The following FLVCR2 variants were observed in gnomAD, a reference collection of about 807,000 sequenced individuals.
FLVCR2 encodes the protein choline/ethanolamine transporter FLVCR2.
In FLVCR2, 38 loss-of-function variants were observed where a neutral mutation model predicts 48.9. The ratio of observed to expected loss-of-function variants is 0.78; its 90% CI spans 0.60 to 1.02. The LOEUF is 1.02. Ranked by LOEUF, FLVCR2 falls within the 50% of genes least tolerant of loss-of-function variation. FLVCR2 has a pLI of 0.00. For synonymous variants in FLVCR2, 255 were observed against 257.0 expected (o/e 0.99, Z 0.07); for missense variants, 664 against 663.3 (o/e 1.00, Z -0.01).
chr14:75,598,122 G>T (rs535967442), intron 1 of FLVCR2, among the ~76,000 whole-genome samples: 1 of 152,020 alleles, frequency 6.6e-6, no homozygotes, highest in Admixed American at 6.6e-5. Flanking sequence ...TGGGATTACA[G>T]GTGTGAGCCA....
intron 1 of FLVCR2, among the ~76,000 whole-genome samples, chr14:75,621,457 GGTGT>G (rs1215284696): frequency 2.6e-5 from 4 of 151,522 alleles, no homozygotes; most frequent in Non-Finnish European, 5.9e-5. Flanking sequence ...ATTTGTTGGG[GGTGT>G]GTGTGTGTTT....
intron 1 of FLVCR2, among the ~76,000 whole-genome samples, chr14:75,602,921 G>A (rs1474632808): frequency 6.6e-6 from 1 of 152,208 alleles, no homozygotes; most frequent in Non-Finnish European, 1.5e-5. Context: ...TTCCCCTGCT[G>A]CCCTCATCCA....
At chr14:75,637,889 A>G (rs1237665308) in intron 5 of FLVCR2, among the ~76,000 whole-genome samples, 1 of 152,100 alleles carries the variant, frequency 6.6e-6, no homozygotes, top group Non-Finnish European at 1.5e-5. Context: ...TCGGGGCTGC[A>G]TCAGAGTCCT....
chr14:75,597,659 T>G (rs1431195505), intron 1 of FLVCR2, among the ~76,000 whole-genome samples: 6 of 152,116 alleles, frequency 3.9e-5, no homozygotes, highest in Non-Finnish European at 7.4e-5. Flanking sequence ...AATCTCCACT[T>G]CCCAAGTTCA....
chr14:75,584,705 T>C lies in FLVCR2; in HGVS notation c.669+5064T>C, dbSNP rs999451644. ...GTCTGGCTCGTGAAGCCGGCAGTTATCAGCGTGAGATTGGGCTAGAGAAAA... is the reference window on the plus strand; with the variant it reads ...GTCTGGCTCGTGAAGCCGGCAGTTACCAGCGTGAGATTGGGCTAGAGAAAA... On this transcript the variant is annotated intron_variant, in intron 1 of 9. Coordinates refer to ENST00000238667, the MANE Select transcript of FLVCR2 (RefSeq NM_017791.3). Among the ~76,000 whole-genome samples the C allele has an allele frequency of 1.5e-4, 23 of 152,292 alleles. 1 individual carries two copies. In the South Asian group the frequency reaches 4.8e-3, roughly 32 times the overall value.
chr14:75,632,475 C>G (rs1890070207), intron 3 of FLVCR2: 1 of 599,150 alleles, frequency 1.7e-6, no homozygotes, highest in East Asian at 2.8e-5. Flanking sequence ...GAAGCTACCC[C>G]TACGGAATTG....
At chr14:75,616,920 T>C (rs964616165) in intron 1 of FLVCR2, among the ~76,000 whole-genome samples, 12 of 152,218 alleles carry the variant, frequency 7.9e-5, no homozygotes, top group Non-Finnish European at 1.8e-4. Context: ...GACAAAGAGC[T>C]CCTTGCCTTG....
chr14:75,586,087 G>A (rs1034011977), intron 1 of FLVCR2, among the ~76,000 whole-genome samples: 1 of 152,188 alleles, frequency 6.6e-6, no homozygotes, highest in African/African-American at 2.4e-5. Flanking sequence ...ACGCATCCAC[G>A]TGAAGAGACC....
At position 75,622,162 on chromosome 14, in the gene FLVCR2, C is replaced by G; in HGVS notation, c.753C>G (p.Ser251Arg). 1.9e-6 allele frequency: 3 copies of G among 1,613,874 alleles called. No homozygotes were observed. The highest frequency in any genetic ancestry group is 2.5e-6 in the Non-Finnish European group (3 of 1,179,798). Residue 251 changes from serine to arginine, a missense_variant, in exon 2 of 10, where the codon AGC becomes AGG. By Grantham distance (110) the Ser-to-Arg change is moderately radical. Transcript: ENST00000238667. ...GGGACGAGCTTGCCTACCACATCAG[C>G]ATCATGTTCTATATAATAGGAGGTG... The part of the protein sequence containing the change: ...EDRDELAYHI[S>R]IMFYIIGGVA...
intron 9 of FLVCR2, among the ~76,000 whole-genome samples, chr14:75,645,592 G>A (rs970783237): frequency 6.6e-6 from 1 of 152,144 alleles, no homozygotes; most frequent in African/African-American, 2.4e-5. Context: ...AATTATGCAT[G>A]CTGCTTTGGC....
In FLVCR2 at chr14:75,627,453, C is replaced by G. The variant is rs534987868; in HGVS notation, c.952+2701C>G. On this transcript the variant is annotated intron_variant, in intron 3 of 9. Transcript: ENST00000238667. ...AGTGGGCCTTGTGTTTTCACTTGCC[C>G]TATTCCAATCCCTTTCTCCCTACTA... 3.1e-4 allele frequency among the ~76,000 whole-genome samples: 47 copies of G among 152,314 alleles called. 1 individual carries two copies. The highest frequency in any genetic ancestry group is 6.8e-3 in the Middle Eastern group (2 of 294).
chr14:75,645,998 G>A (rs899118294), intron 9 of FLVCR2, among the ~76,000 whole-genome samples: 1 of 151,700 alleles, frequency 6.6e-6, no homozygotes, highest in Non-Finnish European at 1.5e-5. Flanking sequence ...CAAGGGAATC[G>A]CAGACCTGGC....
chr14:75,601,417 G>A (rs1889163932), intron 1 of FLVCR2, among the ~76,000 whole-genome samples: 1 of 152,164 alleles, frequency 6.6e-6, no homozygotes, highest in Non-Finnish European at 1.5e-5. Context: ...ATTTTGGGGG[G>A]CTTGCTCCCA....
chr14:75,600,928 CA>C (rs1486744206), intron 1 of FLVCR2, among the ~76,000 whole-genome samples: 4 of 150,134 alleles, frequency 2.7e-5, no homozygotes, highest in African/African-American at 4.9e-5. Context: ...AACAAATATA[CA>C]AATGGTCAAT....
intron 1 of FLVCR2, among the ~76,000 whole-genome samples, chr14:75,587,522 G>A (rs779591208): frequency 6.6e-6 from 1 of 152,180 alleles, no homozygotes; most frequent in Non-Finnish European, 1.5e-5. Context: ...TGAGGGTGGA[G>A]TCTTTAGCAG....
intron 1 of FLVCR2, among the ~76,000 whole-genome samples, chr14:75,612,651 G>T (rs138116424): frequency 0.013 from 1,923 of 152,244 alleles, 40 homozygotes; most frequent in African/African-American, 0.043. Context: ...CCGTGGAGCC[G>T]CCTGGCATTC....
intron 1 of FLVCR2, among the ~76,000 whole-genome samples, chr14:75,601,065 C>A (rs557489176): frequency 1.3e-5 from 2 of 152,286 alleles, no homozygotes; most frequent in South Asian, 4.1e-4. Context: ...GAGCCGAGAA[C>A]CCCCAACAAA....
chr14:75,588,731 G>A (rs1263558032), intron 1 of FLVCR2, among the ~76,000 whole-genome samples: 2 of 152,044 alleles, frequency 1.3e-5, no homozygotes, highest in South Asian at 2.1e-4. Flanking sequence ...CCCCTGCCTC[G>A]GCCTCCCAAA....
chr14:75,643,209 C>G (rs1392272474), intron 9 of FLVCR2, among the ~76,000 whole-genome samples: 1 of 152,140 alleles, frequency 6.6e-6, no homozygotes, highest in Non-Finnish European at 1.5e-5. Context: ...TACGGATAAG[C>G]CATGATTTAT....
Sources: allele counts gnomAD v4.1 joint callset (sites outside exome capture counted in the v4.1 genomes callset), GRCh38; gene constraint gnomAD v4.1.1; transcripts MANE v1.5; gene names NCBI Gene and HGNC (gene_info 2026-07-23, HGNC 2026-07-21).